CD5L: variants seen among roughly 807,000 people sequenced by gnomAD.
CD5L encodes CD5 molecule like.
Under a neutral mutation model 40.8 loss-of-function variants are expected in CD5L, and 39 were observed. The ratio of observed to expected loss-of-function variants is 0.96; its 90% CI spans 0.74 to 1.25. The LOEUF (loss-of-function observed/expected upper bound fraction) is 1.25. CD5L is among the 50% of genes most tolerant of loss of function. The probability of loss-of-function intolerance (pLI) is 0.00; values close to 1 mark genes in which losing one functional copy is unlikely to be tolerated. For synonymous variants in CD5L, 192 were observed against 169.6 expected (o/e 1.13, Z -1.03); for missense variants, 433 against 435.9 (o/e 0.99, Z 0.06).
chr1:157,836,239 T>G, intron 2 of CD5L, 84 bp from the exon 3 acceptor site: 1 of 1,115,296 alleles, frequency 9.0e-7, no homozygotes, highest in Non-Finnish European at 1.3e-6. Flanking sequence ...CTGGGACTCT[T>G]CCACCATTCA....
In CD5L at chr1:157,834,460, G is replaced by A; in HGVS notation, c.665C>T (p.Pro222Leu). The A allele has an allele frequency of 6.2e-7, 1 of 1,614,152 alleles. No homozygotes were observed. The highest frequency in any genetic ancestry group is 8.5e-7 in the Non-Finnish European group (1 of 1,180,014). The change falls in exon 4 of 6, where the codon CCT (proline) becomes CTT (leucine). Residue 222 changes from proline (P) to leucine (L), a missense_variant. Physicochemically the swap from Pro to Leu is moderately conservative, Grantham distance 98. Transcript: ENST00000368174. ...ATGGTTGCAGGTGTTCTTCCCCCAA[G>A]GCCCAGAAGGGCAATCCTGAAGGGT... ...EATLQDCPSGPWGKNTCNHDE... is the reference protein window; with the variant it reads ...EATLQDCPSGLWGKNTCNHDE...
intron 4 of CD5L, among the ~76,000 whole-genome samples, chr1:157,834,097 C>T (rs1236772992): frequency 6.6e-6 from 1 of 152,118 alleles, no homozygotes; most frequent in Non-Finnish European, 1.5e-5. Flanking sequence ...TTATAAATGA[C>T]ATTCTAAGAA....
chr1:157,831,481 T>C lies in CD5L; in HGVS notation c.*483A>G. On this transcript the variant is annotated 3_prime_UTR_variant, in exon 6 of 6. Coordinates refer to ENST00000368174, the MANE Select transcript of CD5L (RefSeq NM_005894.3). ...AGTCCAATCAAAAGAATTCTAAACT[T>C]TCCCCCAAGTTGCAAGAAATTGTCT... 1 of 986,262 alleles carries C rather than the reference T, an allele frequency of 1.0e-6. No homozygotes were observed. Among genetic ancestry groups the C allele is most frequent in the South Asian group, 4.7e-5 (1 of 21,298 alleles). 61.1% of individuals were successfully genotyped at this position (986,262 alleles called of 1,614,324 possible). A position where few individuals can be genotyped will look rare whatever the true frequency, so the allele number is the denominator to read the frequency against.
downstream of CD5L, among the ~76,000 whole-genome samples, chr1:157,830,576 A>G (rs1329477712): frequency 1.3e-5 from 2 of 152,192 alleles, no homozygotes; most frequent in African/African-American, 2.4e-5. Flanking sequence ...TAATTGAGTA[A>G]GGAGCCAGAG....
chr1:157,828,540 T>C (rs1226045211), downstream of CD5L, among the ~76,000 whole-genome samples: 1 of 152,060 alleles, frequency 6.6e-6, no homozygotes, highest in Non-Finnish European at 1.5e-5. Context: ...TGAGATTCGG[T>C]AGATAAATAC....
At chr1:157,838,018 T>C (rs1368318536) in intron 2 of CD5L, among the ~76,000 whole-genome samples, 1 of 151,964 alleles carries the variant, frequency 6.6e-6, no homozygotes, top group African/African-American at 2.4e-5. Context: ...CCTCGTGACC[T>C]GCCCGCCTTC....
At chr1:157,833,629 ATCG>A in intron 4 of CD5L, 117 bp from the exon 5 acceptor site, 1 of 800,918 alleles carries the variant, frequency 1.2e-6, no homozygotes. Context: ...GTTTTGAGAC[ATCG>A]TCTCACTCTG....
At position 157,831,768 on chromosome 1, in the gene CD5L, C is replaced by G. The variant is rs1656054714; in HGVS notation, c.*196G>C. The G allele has an allele frequency of 7.8e-7, 1 of 1,288,804 alleles. No homozygotes were observed. The highest frequency in any genetic ancestry group is 9.9e-7 in the Non-Finnish European group (1 of 1,012,808). The allele number at this position is 1,288,804 out of a possible 1,614,324, so 79.8% of individuals were successfully genotyped here. On this transcript the variant is annotated 3_prime_UTR_variant, in exon 6 of 6. Transcript: ENST00000368174. ...TCCCCAGCAAGAGGGAACTCAACAGCTCACATCTACAGGCAGCAATGGGGG... is the reference window on the plus strand; with the variant it reads ...TCCCCAGCAAGAGGGAACTCAACAGGTCACATCTACAGGCAGCAATGGGGG...
intron 4 of CD5L, among the ~76,000 whole-genome samples, chr1:157,834,205 C>A (rs1163610745): frequency 1.3e-5 from 2 of 152,112 alleles, no homozygotes; most frequent in South Asian, 2.1e-4. Context: ...TAATATAGTG[C>A]TTAATATTAA....
chr1:157,837,177 T>C (rs193238355), intron 2 of CD5L, among the ~76,000 whole-genome samples: 112 of 152,066 alleles, frequency 7.4e-4, no homozygotes, highest in African/African-American at 2.6e-3. Flanking sequence ...GCCGAGATCA[T>C]GCCACTGCAC....
At chr1:157,827,710 A>T (rs190026946), downstream of CD5L, among the ~76,000 whole-genome samples, 1 of 152,218 alleles carries the variant, frequency 6.6e-6, no homozygotes, top group Non-Finnish European at 1.5e-5. Flanking sequence ...CATAGAAATA[A>T]GGTTTAACCA....
chr1:157,836,301 AG>A, intron 2 of CD5L, 146 bp from the exon 3 acceptor site: 1 of 670,158 alleles, frequency 1.5e-6, no homozygotes, highest in Non-Finnish European at 2.5e-6. Flanking sequence ...AGAAAAGGGA[AG>A]GAAGAGGAGC....
At chr1:157,840,158 C>T (rs1656329467) in intron 1 of CD5L, among the ~76,000 whole-genome samples, 1 of 152,058 alleles carries the variant, frequency 6.6e-6, no homozygotes, top group Non-Finnish European at 1.5e-5. Context: ...GCTGTTTTAG[C>T]TGATTTAGAT....
rs748603519 is a variant in CD5L at position 157,834,699 on chromosome 1, G to C, written c.426C>G (p.Asp142Glu). Residue 142 changes from aspartate to glutamate, a missense_variant, in exon 4 of 6, where the codon GAC becomes GAG. Transcript: ENST00000368174. ...SPVPEGVRLA[D>E]GPGHCKGRVE... ...CGCGTCCCTTGCAATGCCCAGGGCC[G>C]TCAGCCAGCCTGACACCCTCTGGGA... 2 of 1,614,134 alleles carry C rather than the reference G, an allele frequency of 1.2e-6. No homozygotes were observed. The highest frequency in any genetic ancestry group is 1.7e-5 in the Admixed American group (1 of 60,026).
downstream of CD5L, among the ~76,000 whole-genome samples, chr1:157,829,366 A>G (rs1655986326): frequency 6.6e-6 from 1 of 152,232 alleles, no homozygotes; most frequent in African/African-American, 2.4e-5. Context: ...AGCTTTTCCA[A>G]CAGAGGAAAG....
chr1:157,829,848 C>T (rs1276033195), downstream of CD5L, among the ~76,000 whole-genome samples: 2 of 152,152 alleles, frequency 1.3e-5, no homozygotes, highest in Non-Finnish European at 2.9e-5. Context: ...TGCCATTTGA[C>T]CCCAGGAAGA....
chr1:157,836,709 C>T (rs1479167565), intron 2 of CD5L, among the ~76,000 whole-genome samples: 1 of 152,198 alleles, frequency 6.6e-6, no homozygotes, highest in Non-Finnish European at 1.5e-5. Flanking sequence ...GCTGAACAGC[C>T]TAACTATCTC....
chr1:157,838,959 T>C (rs956376455), intron 2 of CD5L, among the ~76,000 whole-genome samples: 6 of 152,252 alleles, frequency 3.9e-5, no homozygotes, highest in Admixed American at 2.0e-4. Context: ...GGTCAAGCTA[T>C]GTGCTGCAAG....
chr1:157,834,779 C>G (rs371774880), intron 3 of CD5L, 31 bp from the exon 4 acceptor site: 2 of 1,568,002 alleles, frequency 1.3e-6, no homozygotes, highest in Non-Finnish European at 1.8e-6. Flanking sequence ...CGTGTCTGTT[C>G]TCTGCCAGAA....
Sources: allele counts gnomAD v4.1 joint callset (sites outside exome capture counted in the v4.1 genomes callset), GRCh38; gene constraint gnomAD v4.1.1; transcripts MANE v1.5; gene names NCBI Gene and HGNC (gene_info 2026-07-23, HGNC 2026-07-21).